RAPGEF5: variants seen among roughly 807,000 people sequenced by gnomAD.
RAPGEF5 encodes the protein Rap guanine nucleotide exchange factor 5.
A neutral mutation model predicts 125.2 loss-of-function variants in RAPGEF5; 65 were observed. That is an observed-to-expected ratio of 0.52 (90% confidence interval 0.43 to 0.64). RAPGEF5 has a LOEUF of 0.64. Ranked by LOEUF, RAPGEF5 falls within the 30% of genes least tolerant of loss-of-function variation. The pLI is 0.00. For synonymous variants in RAPGEF5, 391 were observed against 385.9 expected (o/e 1.01, Z -0.16); for missense variants, 958 against 1,048.1 (o/e 0.91, Z 1.19).
intron 19 of RAPGEF5, among the ~76,000 whole-genome samples, chr7:22,145,641 T>C (rs1783410506): frequency 6.6e-6 from 1 of 152,154 alleles, no homozygotes; most frequent in South Asian, 2.1e-4. Context: ...GGTCCTCAAA[T>C]TTTAGTGTGA....
At chr7:22,179,907 T>C (rs1230504658) in intron 11 of RAPGEF5, among the ~76,000 whole-genome samples, 2 of 152,208 alleles carry the variant, frequency 1.3e-5, no homozygotes, top group African/African-American at 4.8e-5. Context: ...CCCTTGTTTA[T>C]CATATAATCA....
rs975304249 is a variant in RAPGEF5 at position 22,355,935 on chromosome 7, A to G, written c.231+895T>C. ...CCACATTGATGCAGCTTCTCATTAA[A>G]GACCACTTAATAATAAATTTTTAAA... On this transcript the variant is annotated intron_variant, in intron 1 of 25. Transcript: ENST00000665637. 4.1e-6 allele frequency: 4 copies of G among 981,556 alleles called. No homozygotes were observed. In the South Asian group the frequency reaches 1.4e-4, roughly 35 times the overall value. 60.8% of individuals were successfully genotyped at this position (981,556 alleles called of 1,614,324 possible).
intron 9 of RAPGEF5, among the ~76,000 whole-genome samples, chr7:22,218,235 A>G (rs1197969451): frequency 6.6e-6 from 1 of 152,224 alleles, no homozygotes; most frequent in Non-Finnish European, 1.5e-5. Context: ...ACTGAACTAA[A>G]TATACAACAA....
chr7:22,326,250 T>C (rs138099857), intron 1 of RAPGEF5, among the ~76,000 whole-genome samples: 1 of 152,306 alleles, frequency 6.6e-6, no homozygotes, highest in East Asian at 1.9e-4. Flanking sequence ...GCTTCAGAAA[T>C]GTAGCAGCAG....
chr7:22,259,581 A>G (rs1782094462), intron 7 of RAPGEF5, among the ~76,000 whole-genome samples: 1 of 152,242 alleles, frequency 6.6e-6, no homozygotes, highest in South Asian at 2.1e-4. Flanking sequence ...AATTGCCAAA[A>G]CTTGAAAACA....
chr7:22,162,067 T>G (rs1179849554), intron 13 of RAPGEF5, among the ~76,000 whole-genome samples: 1 of 152,246 alleles, frequency 6.6e-6, no homozygotes, highest in African/African-American at 2.4e-5. Flanking sequence ...AGTTTTTAAA[T>G]GATAAATAAT....
intron 7 of RAPGEF5, among the ~76,000 whole-genome samples, chr7:22,241,376 C>A (rs73683335): frequency 6.6e-6 from 1 of 151,718 alleles, no homozygotes; most frequent in Non-Finnish European, 1.5e-5. Context: ...AGCAGTGACA[C>A]CAAATGAGCC....
chr7:22,134,829 T>G (rs1298165767), intron 23 of RAPGEF5, among the ~76,000 whole-genome samples: 2 of 152,238 alleles, frequency 1.3e-5, no homozygotes, highest in African/African-American at 4.8e-5. Context: ...TTTAAATTAT[T>G]ATTTGGGCAC....
At chr7:22,312,362 C>T (rs751679848) in intron 3 of RAPGEF5, among the ~76,000 whole-genome samples, 1 of 152,214 alleles carries the variant, frequency 6.6e-6, no homozygotes, top group Non-Finnish European at 1.5e-5. Context: ...GCGTCTGCCA[C>T]CACGCCCAGC....
chr7:22,224,040 T>C (rs1785854540), intron 8 of RAPGEF5, among the ~76,000 whole-genome samples: 1 of 152,306 alleles, frequency 6.6e-6, no homozygotes, highest in East Asian at 1.9e-4. Flanking sequence ...ACATTTTATT[T>C]ATAAAAACAA....
intron 6 of RAPGEF5, among the ~76,000 whole-genome samples, chr7:22,282,868 A>G (rs946237299): frequency 6.6e-6 from 1 of 152,226 alleles, no homozygotes; most frequent in Non-Finnish European, 1.5e-5. Flanking sequence ...TGAAAATAAA[A>G]TCACAATGTT....
chr7:22,248,411 T>C (rs1786533515), intron 7 of RAPGEF5, among the ~76,000 whole-genome samples: 1 of 152,142 alleles, frequency 6.6e-6, no homozygotes, highest in Admixed American at 6.5e-5. Flanking sequence ...AGCTGAGAAC[T>C]AGAGATGTGA....
At position 22,122,091 on chromosome 7, in the gene RAPGEF5, G is replaced by T. The variant is rs539725165; in HGVS notation, c.*315C>A. On this transcript the variant is annotated 3_prime_UTR_variant, in exon 26 of 26. Transcript: ENST00000665637. ...GCATGTCAAGACGTTGTCTTGTCTT[G>T]ATGCTGGCACATCTCATATTGAAAA... The T allele has an allele frequency of 1.4e-5, 4 of 278,528 alleles. No individual in the cohort carries two copies. Among genetic ancestry groups the T allele is most frequent in the Non-Finnish European group, 2.1e-5 (3 of 143,158 alleles). 17.3% of individuals were successfully genotyped at this position (278,528 alleles called of 1,614,324 possible).
chr7:22,178,473 G>C (rs1413877736), intron 11 of RAPGEF5, among the ~76,000 whole-genome samples: 1 of 152,186 alleles, frequency 6.6e-6, no homozygotes, highest in African/African-American at 2.4e-5. Context: ...CTTCTGACCA[G>C]TGGGCTCTAT....
chr7:22,226,248 A>G (rs917238847), intron 8 of RAPGEF5, among the ~76,000 whole-genome samples: 9 of 152,212 alleles, frequency 5.9e-5, no homozygotes, highest in Admixed American at 1.3e-4. Context: ...ATATTCAGAT[A>G]AATTTTTATT....
At chr7:22,176,601 T>C (rs1784516492) in intron 11 of RAPGEF5, among the ~76,000 whole-genome samples, 1 of 152,228 alleles carries the variant, frequency 6.6e-6, no homozygotes, top group African/African-American at 2.4e-5. Flanking sequence ...TGATCTCTGC[T>C]TACTGCAGCT....
intron 20 of RAPGEF5, among the ~76,000 whole-genome samples, chr7:22,142,247 G>A (rs1028559850): frequency 6.6e-6 from 1 of 152,156 alleles, no homozygotes; most frequent in African/African-American, 2.4e-5. Context: ...TAAGGCTAGA[G>A]TATACGTCTA....
At chr7:22,131,274 G>A (rs953355477) in intron 23 of RAPGEF5, among the ~76,000 whole-genome samples, 173 bp from the exon 24 acceptor site, 11 of 152,120 alleles carry the variant, frequency 7.2e-5, no homozygotes, top group African/African-American at 2.7e-4. Flanking sequence ...ATGTAAAAGT[G>A]CATAATTTAT....
intron 1 of RAPGEF5, among the ~76,000 whole-genome samples, chr7:22,323,117 T>C (rs1167392740): frequency 6.6e-6 from 1 of 152,256 alleles, no homozygotes; most frequent in Non-Finnish European, 1.5e-5. Context: ...GTGTTTTCCA[T>C]ATCTAGACAT....
Sources: allele counts gnomAD v4.1 joint callset (sites outside exome capture counted in the v4.1 genomes callset), GRCh38; gene constraint gnomAD v4.1.1; transcripts MANE v1.5; gene names NCBI Gene and HGNC (gene_info 2026-07-23, HGNC 2026-07-21).